CHCHD6: variants seen among roughly 807,000 people sequenced by gnomAD.
The protein encoded by CHCHD6 is coiled-coil-helix-coiled-coil-helix domain containing 6.
A neutral mutation model predicts 32.3 loss-of-function variants in CHCHD6; 28 were observed. That is an observed-to-expected ratio of 0.87 (90% CI 0.64 to 1.19). The LOEUF (loss-of-function observed/expected upper bound fraction) is 1.19. CHCHD6 is among the 50% of genes most tolerant of loss of function. The pLI, the probability that CHCHD6 is intolerant of heterozygous loss-of-function variation, is 0.00. For synonymous variants in CHCHD6, 122 were observed against 117.5 expected (o/e 1.04, Z -0.25); for missense variants, 333 against 307.0 (o/e 1.08, Z -0.63).
intron 5 of CHCHD6, among the ~76,000 whole-genome samples, chr3:126,883,202 G>A (rs1478528704): frequency 1.3e-5 from 2 of 152,150 alleles, no homozygotes; most frequent in African/African-American, 2.4e-5. Flanking sequence ...AGGCCTCTTC[G>A]ATTTGTGAAC....
chr3:126,872,253 G>T (rs1312087813), intron 5 of CHCHD6, among the ~76,000 whole-genome samples: 1 of 152,158 alleles, frequency 6.6e-6, no homozygotes, highest in Non-Finnish European at 1.5e-5. Flanking sequence ...AATGTTGACA[G>T]TGCCAGGTAC....
intron 4 of CHCHD6, among the ~76,000 whole-genome samples, chr3:126,738,046 G>A (rs547715826): frequency 6.6e-6 from 1 of 152,172 alleles, no homozygotes; most frequent in African/African-American, 2.4e-5. Context: ...TTCCGTCCCT[G>A]GATGTGCCCC....
chr3:126,905,989 GA>G (rs1409038887), intron 5 of CHCHD6, among the ~76,000 whole-genome samples: 1 of 152,096 alleles, frequency 6.6e-6, no homozygotes, highest in African/African-American at 2.4e-5. Flanking sequence ...GAGGAAATAT[GA>G]GTGGGATCAG....
intron 5 of CHCHD6, among the ~76,000 whole-genome samples, chr3:126,904,550 G>T (rs762875248): frequency 6.6e-6 from 1 of 151,548 alleles, no homozygotes; most frequent in Non-Finnish European, 1.5e-5. Flanking sequence ...TGCAAAGTCT[G>T]TGTGTGTGTG....
intron 4 of CHCHD6, among the ~76,000 whole-genome samples, chr3:126,793,543 T>C (rs931098727): frequency 1.3e-5 from 2 of 152,114 alleles, no homozygotes; most frequent in Admixed American, 6.5e-5. Context: ...GTCTTAAATA[T>C]TACCTGTGTA....
At chr3:126,759,828 T>C (rs1937096904) in intron 4 of CHCHD6, among the ~76,000 whole-genome samples, 1 of 152,202 alleles carries the variant, frequency 6.6e-6, no homozygotes, top group African/African-American at 2.4e-5. Flanking sequence ...AAGAAATATC[T>C]GAGGCTGGGT....
intron 6 of CHCHD6, among the ~76,000 whole-genome samples, chr3:126,951,149 T>G (rs961376346): frequency 6.6e-6 from 1 of 152,148 alleles, no homozygotes; most frequent in African/African-American, 2.4e-5. Context: ...CCTGATGATT[T>G]TATAAGGGGC....
At chr3:126,952,730 G>C (rs1166189104) in intron 6 of CHCHD6, among the ~76,000 whole-genome samples, 1 of 152,278 alleles carries the variant, frequency 6.6e-6, no homozygotes, top group East Asian at 1.9e-4. Context: ...AGAGATGAAT[G>C]TGTTTTGGAT....
intron 5 of CHCHD6, among the ~76,000 whole-genome samples, chr3:126,903,404 A>AT (rs992470438): frequency 3.3e-5 from 5 of 151,878 alleles, no homozygotes; most frequent in Non-Finnish European, 7.4e-5. Context: ...TTGTCCTTGG[A>AT]TTTTTTCTAC....
In CHCHD6 at chr3:126,754,932, C is replaced by T. The variant is rs1053372497; in HGVS notation, c.411+21710C>T. Among the ~76,000 whole-genome samples the T allele has an allele frequency of 2.6e-5, 4 of 152,282 alleles. No homozygotes were observed. In the East Asian group the frequency reaches 5.8e-4, roughly 22 times the overall value. On this transcript the variant is annotated intron_variant, in intron 4 of 7. Coordinates refer to ENST00000290913, the MANE Select transcript of CHCHD6 (RefSeq NM_032343.3). ...TGGCTGCAAGGAGGGAGTGTGGCTGCTGCCAGTCTCCTGGGTCTGGCATCT... is the reference window on the plus strand; with the variant it reads ...TGGCTGCAAGGAGGGAGTGTGGCTGTTGCCAGTCTCCTGGGTCTGGCATCT...
At chr3:126,778,760 G>A (rs572145123) in intron 4 of CHCHD6, among the ~76,000 whole-genome samples, 10 of 152,086 alleles carry the variant, frequency 6.6e-5, no homozygotes, top group African/African-American at 2.4e-4. Context: ...AAAGTTTTCA[G>A]TGTTTTTTGA....
intron 4 of CHCHD6, among the ~76,000 whole-genome samples, chr3:126,773,602 CTTTTTTTT>C (rs769256372): frequency 5.6e-5 from 5 of 89,948 alleles, no homozygotes; most frequent in Non-Finnish European, 2.1e-5. Context: ...TTCTGCTTTT[CTTTTTTTT>C]TTTTTTTTTT....
intron 5 of CHCHD6, among the ~76,000 whole-genome samples, chr3:126,890,404 T>A (rs1001825472): frequency 6.6e-6 from 1 of 151,888 alleles, no homozygotes; most frequent in Non-Finnish European, 1.5e-5. Flanking sequence ...GGGAGGGTAG[T>A]ATTGGGAGAG....
chr3:126,821,075 C>G (rs906241835), intron 4 of CHCHD6, among the ~76,000 whole-genome samples: 1 of 152,150 alleles, frequency 6.6e-6, no homozygotes, highest in Non-Finnish European at 1.5e-5. Context: ...TAAGGCCATA[C>G]AATATGTGGC....
chr3:126,704,617 A>G lies in CHCHD6; in HGVS notation c.87+218A>G, dbSNP rs539873947. 3.3e-5 allele frequency among the ~76,000 whole-genome samples: 5 copies of G among 152,250 alleles called. No individual in the cohort carries two copies. In the East Asian group the frequency reaches 7.8e-4, roughly 24 times the overall value. On this transcript the variant is annotated intron_variant, in intron 1 of 7. Coordinates refer to ENST00000290913, the MANE Select transcript of CHCHD6 (RefSeq NM_032343.3). ...ATGGGCTTCAGGGAAGGAGGAGTGAAGAACTGTACAGGTGCGAGGCCCCTG... is the reference window on the plus strand; with the variant it reads ...ATGGGCTTCAGGGAAGGAGGAGTGAGGAACTGTACAGGTGCGAGGCCCCTG...
chr3:126,892,659 C>T (rs1179102414), intron 5 of CHCHD6, among the ~76,000 whole-genome samples: 2 of 152,234 alleles, frequency 1.3e-5, no homozygotes, highest in Admixed American at 1.3e-4. Flanking sequence ...ATAAACCCCC[C>T]CTTCTCCAGA....
At chr3:126,865,764 T>C in intron 5 of CHCHD6, 1 of 979,660 alleles carries the variant, frequency 1.0e-6, no homozygotes, top group Non-Finnish European at 1.2e-6. Context: ...ATGTGTTTCT[T>C]TACCTCAGTC....
chr3:126,957,435 G>C lies in CHCHD6; in HGVS notation c.586G>C (p.Val196Leu), dbSNP rs147458095. The C allele has an allele frequency of 1.2e-6, 2 of 1,611,418 alleles. No individual in the cohort carries two copies. The highest frequency in any genetic ancestry group is 1.7e-6 in the Non-Finnish European group (2 of 1,179,206). ...STIKPRRVEP[V>L]CSGLQAQILH... The stretch of plus-strand genomic sequence containing the variant: ...CTGCAGGCCCCGCAGGGTGGAGCCC[G>C]TCTGCTCAGGGTTGCAGGCCCAGAT... The change falls in exon 7 of 8, where the codon GTC becomes CTC. Residue 196 changes from valine to leucine, a missense_variant. Val to Leu is a conservative substitution (Grantham distance 32). Coordinates refer to ENST00000290913, the MANE Select transcript of CHCHD6 (RefSeq NM_032343.3).
At chr3:126,726,323 G>T (rs1329870012) in intron 1 of CHCHD6, among the ~76,000 whole-genome samples, 1 of 152,158 alleles carries the variant, frequency 6.6e-6, no homozygotes, top group Non-Finnish European at 1.5e-5. Context: ...GCATTTATCG[G>T]TTAAGTTCGC....
Sources: gnomAD v4.1 joint callset for allele counts (sites outside exome capture counted in the v4.1 genomes callset) on GRCh38, gnomAD v4.1.1 for gene constraint, MANE v1.5 for transcripts, NCBI Gene and HGNC (gene_info 2026-07-23, HGNC 2026-07-21) for gene names.